Variants in ZZEF1 observed in about 807,000 individuals in gnomAD.
The protein encoded by ZZEF1 is zinc finger ZZ-type and EF-hand domain containing 1, also known as zinc finger ZZ-type and EF-hand domain-containing protein 1.
Under a neutral mutation model 342.8 loss-of-function variants are expected in ZZEF1, and 157 were observed. The observed-to-expected ratio is 0.46, with a 90% confidence interval of 0.40 to 0.52. The LOEUF (loss-of-function observed/expected upper bound fraction) is 0.52. ZZEF1 is among the 20% of genes least tolerant of loss of function. ZZEF1 has a pLI of 0.00. For missense variants in ZZEF1, 3,480 were observed against 3,725.6 expected, an observed-to-expected ratio of 0.93 and a Z score of 1.72; for synonymous variants, 1,505 against 1,429.1, an observed-to-expected ratio of 1.05 and a Z score of -1.20.
intron 26 of ZZEF1, 80 bp downstream of exon 26, chr17:4,070,604 T>C: frequency 8.3e-6 from 12 of 1,450,462 alleles, no homozygotes; most frequent in South Asian, 1.4e-5. Flanking sequence ...TAAAATATTT[T>C]AAATGTTCAC....
intron 30 of ZZEF1, among the ~76,000 whole-genome samples, chr17:4,060,500 G>A (rs1850279535): frequency 6.6e-6 from 1 of 151,936 alleles, no homozygotes; most frequent in Non-Finnish European, 1.5e-5. Context: ...AGTGAGCCGG[G>A]ATCATGCCAC....
At chr17:4,121,754 C>A (rs1038426017) in intron 2 of ZZEF1, among the ~76,000 whole-genome samples, 1 of 150,580 alleles carries the variant, frequency 6.6e-6, no homozygotes, top group Non-Finnish European at 1.5e-5. Flanking sequence ...GACAGGGTCT[C>A]GCTCTATCAC....
intron 29 of ZZEF1, among the ~76,000 whole-genome samples, chr17:4,063,847 C>T (rs1209827545): frequency 6.6e-6 from 1 of 151,940 alleles, no homozygotes; most frequent in African/African-American, 2.4e-5. Flanking sequence ...CCTGCCTCAG[C>T]CTCCCGAGTA....
intron 42 of ZZEF1, among the ~76,000 whole-genome samples, chr17:4,025,908 C>T (rs1029888208): frequency 3.9e-5 from 6 of 152,186 alleles, no homozygotes; most frequent in Admixed American, 2.6e-4. Context: ...AGACGATTTC[C>T]AAGCTGCAAA....
At chr17:4,132,703 GCGCC>G in intron 1 of ZZEF1, among the ~76,000 whole-genome samples, 5 of 115,972 alleles carry the variant, frequency 4.3e-5, no homozygotes, top group East Asian at 3.4e-4. Flanking sequence ...GTGGTGGCGG[GCGCC>G]TGTAATCCCA....
At chr17:4,091,629 T>A (rs1211698725) in intron 11 of ZZEF1, among the ~76,000 whole-genome samples, 1 of 151,686 alleles carries the variant, frequency 6.6e-6, no homozygotes, top group Non-Finnish European at 1.5e-5. Context: ...TACAAAAAAT[T>A]AGCCAGGCGT....
chr17:4,073,444 T>C (rs1244731897), intron 24 of ZZEF1, among the ~76,000 whole-genome samples: 2 of 152,130 alleles, frequency 1.3e-5, no homozygotes, highest in Non-Finnish European at 2.9e-5. Context: ...TTCCTTTTGT[T>C]TTAAGAGACA....
chr17:4,046,356 T>C (rs1401676739), intron 37 of ZZEF1, among the ~76,000 whole-genome samples: 1 of 152,140 alleles, frequency 6.6e-6, no homozygotes, highest in Non-Finnish European at 1.5e-5. Context: ...ACCCTCAGGG[T>C]GCCTTTCCCT....
intron 18 of ZZEF1, among the ~76,000 whole-genome samples, chr17:4,078,816 G>A (rs561469828): frequency 6.6e-6 from 1 of 152,338 alleles, no homozygotes; most frequent in Non-Finnish European, 1.5e-5. Flanking sequence ...CAGGCATTCA[G>A]TGGATATTTG....
At chr17:4,083,596 C>T (rs935182052) in intron 16 of ZZEF1, among the ~76,000 whole-genome samples, 4 of 151,812 alleles carry the variant, frequency 2.6e-5, no homozygotes, top group Non-Finnish European at 5.9e-5. Context: ...ACTGCTGCTG[C>T]TGCCCTTTGT....
At chr17:4,107,647 G>T (rs1396405246) in intron 6 of ZZEF1, among the ~76,000 whole-genome samples, 1 of 152,236 alleles carries the variant, frequency 6.6e-6, no homozygotes, top group Non-Finnish European at 1.5e-5. Context: ...TGCAAGGGCA[G>T]GGGCAATGGG....
rs553876924 is a variant in ZZEF1, at chr17:4,029,349, C to T, written c.6892+2777G>A. On this transcript the variant is annotated intron_variant, in intron 42 of 54. Transcript: ENST00000381638. ...ATCCCCCAAATATTAAGAAACTAAA[C>T]ATCAAACTTTTAAATAATCCACAGA... is the stretch of plus-strand genomic sequence containing the variant. 6.6e-5 allele frequency among the ~76,000 whole-genome samples: 10 copies of T among 151,124 alleles called. No individual in the cohort carries two copies. In the South Asian group the frequency reaches 2.1e-3, roughly 32 times the overall value.
At chr17:4,038,421 T>A (rs746419800) in intron 39 of ZZEF1, among the ~76,000 whole-genome samples, 4 of 152,236 alleles carry the variant, frequency 2.6e-5, no homozygotes, top group Non-Finnish European at 5.9e-5. Context: ...CATATTCATA[T>A]AATGGAATTC....
chr17:4,021,871 C>T (rs958444627), intron 44 of ZZEF1, among the ~76,000 whole-genome samples: 2 of 150,988 alleles, frequency 1.3e-5, no homozygotes, highest in African/African-American at 2.4e-5. Context: ...AGAAACAAAA[C>T]GAGAAGGAGA....
At chr17:4,138,909 C>T (rs957150305) in intron 1 of ZZEF1, among the ~76,000 whole-genome samples, 5 of 152,220 alleles carry the variant, frequency 3.3e-5, no homozygotes, top group African/African-American at 1.2e-4. Context: ...CTGGACCACA[C>T]CTACCATGAG....
chr17:4,007,082 C>A, intron 54 of ZZEF1, 112 bp from the exon 55 acceptor site: 3 of 920,342 alleles, frequency 3.3e-6, no homozygotes, highest in Non-Finnish European at 3.2e-6. Flanking sequence ...GGAGGGGAAC[C>A]AGATGTGTTC....
chr17:4,016,600 C>G lies in ZZEF1; in HGVS notation c.8002-134G>C, dbSNP rs1203904606. The G allele has an allele frequency of 9.9e-7, 1 of 1,008,588 alleles. No homozygotes were observed. 62.5% of individuals were successfully genotyped at this position (1,008,588 alleles called of 1,614,324 possible). A position where few individuals can be genotyped will look rare whatever the true frequency, so the allele number is the denominator to read the frequency against. On this transcript the variant is annotated intron_variant, in intron 48 of 54. Coordinates refer to ENST00000381638, the MANE Select transcript of ZZEF1 (RefSeq NM_015113.4). This position sits in a 1 kb window ranked among gnomAD's most constrained non-coding sequence, Gnocchi z 4.4. ...CTAGGACGAGCCTCTGTGACTCCAC[C>G]ACCCAAAACCAACTCCACCAGCCAC...
chr17:4,109,034 T>C (rs1014304875), intron 6 of ZZEF1, among the ~76,000 whole-genome samples: 7 of 152,266 alleles, frequency 4.6e-5, no homozygotes, highest in African/African-American at 7.2e-5. Context: ...ATTTGTCTTA[T>C]ATGTTACTAT....
At chr17:4,049,684 G>C (rs764961045) in intron 37 of ZZEF1, 24 bp downstream of exon 37, 5 of 1,613,608 alleles carry the variant, frequency 3.1e-6, no homozygotes, top group Non-Finnish European at 3.4e-6. Context: ...CTGTGATTCT[G>C]TGTAGTAAAG....
Sources: gnomAD v4.1 joint callset for allele counts (sites outside exome capture counted in the v4.1 genomes callset) on GRCh38, gnomAD v4.1.1 for gene constraint, Gnocchi (gnomAD v3.1) non-coding constraint, MANE v1.5 for transcripts, NCBI Gene and HGNC (gene_info 2026-07-23, HGNC 2026-07-21) for gene names.